LHPP: variants seen among roughly 807,000 people sequenced by gnomAD.
LHPP encodes phospholysine phosphohistidine inorganic pyrophosphate phosphatase, also known as hLHPP.
LHPP carries 24 observed loss-of-function variants against 30.3 expected under a neutral mutation model. The observed-to-expected ratio is 0.79, with a 90% CI of 0.57 to 1.11. The LOEUF (loss-of-function observed/expected upper bound fraction) is 1.11, where lower values mean the gene tolerates loss of function less well. LHPP is among the 50% of genes most tolerant of loss of function. The pLI, the probability that LHPP is intolerant of heterozygous loss-of-function variation, is 0.00. For synonymous variants in LHPP, 150 were observed against 157.1 expected (o/e 0.95, Z 0.34); for missense variants, 356 against 367.2 (o/e 0.97, Z 0.25).
At chr10:124,549,013 A>G (rs1955417693) in intron 6 of LHPP, among the ~76,000 whole-genome samples, 1 of 152,246 alleles carries the variant, frequency 6.6e-6, no homozygotes, top group African/African-American at 2.4e-5. Context: ...CTTGACATCT[A>G]TTAACTTCTA....
At chr10:124,595,913 G>A (rs1330401982) in intron 6 of LHPP, among the ~76,000 whole-genome samples, 2 of 152,164 alleles carry the variant, frequency 1.3e-5, no homozygotes, top group Non-Finnish European at 2.9e-5. Flanking sequence ...AGATGAAGAC[G>A]AGGAGCACCT....
intron 1 of LHPP, among the ~76,000 whole-genome samples, chr10:124,483,824 T>C (rs1209626021): frequency 7.2e-6 from 1 of 138,506 alleles, no homozygotes; most frequent in Admixed American, 7.6e-5. Context: ...AGAGTTGCAT[T>C]CCAGGCAAGG....
intron 6 of LHPP, among the ~76,000 whole-genome samples, chr10:124,543,708 G>A (rs890019800): frequency 6.6e-6 from 1 of 152,160 alleles, no homozygotes; most frequent in Admixed American, 6.5e-5. Context: ...ATATATTTGG[G>A]ATTCTATTAA....
rs1250211486 is a variant in LHPP at position 124,517,066 on chromosome 10, G to T, written c.625-114G>T. The T allele has an allele frequency of 3.1e-6, 2 of 641,570 alleles. No individual in the cohort carries two copies. Among genetic ancestry groups the T allele is most frequent in the Non-Finnish European group, 5.3e-6 (2 of 377,350 alleles). 39.7% of individuals were successfully genotyped at this position (641,570 alleles called of 1,614,324 possible). A position where few individuals can be genotyped will look rare whatever the true frequency, so the allele number is the denominator to read the frequency against. On this transcript the variant is annotated intron_variant, in intron 5 of 6. Coordinates refer to ENST00000368842, the MANE Select transcript of LHPP (RefSeq NM_022126.4). The surrounding 1 kb of genome is among the most constrained non-coding windows in gnomAD (Gnocchi z 4.1). ...CAATATTATCTTGTTTAATTTGTAT[G>T]ATGGTGGTTGTAAACATCAAATCAA... is the stretch of plus-strand genomic sequence containing the variant.
chr10:124,585,550 G>T (rs1235936499), intron 6 of LHPP, among the ~76,000 whole-genome samples: 2 of 151,766 alleles, frequency 1.3e-5, no homozygotes, highest in Non-Finnish European at 2.9e-5. Context: ...AGGAGATGGA[G>T]GTTGCAGTGA....
rs1363882312 is a variant in LHPP, at chr10:124,510,792, G to C, written c.625-6388G>C. Reference sequence around the variant, plus strand: ...GCAGTGGACATGGTCCTGAATTGGAGTGCTGTGAATGTTCACTGCTGACCT... The same window carrying C: ...GCAGTGGACATGGTCCTGAATTGGACTGCTGTGAATGTTCACTGCTGACCT... On this transcript the variant is annotated intron_variant, in intron 5 of 6. Transcript: ENST00000368842. This position sits in a 1 kb window ranked among gnomAD's most constrained non-coding sequence, Gnocchi z 4.0. 6.6e-6 allele frequency among the ~76,000 whole-genome samples: 1 copy of C among 152,252 alleles called. No homozygotes were observed. Among genetic ancestry groups the C allele is most frequent in the Non-Finnish European group, 1.5e-5 (1 of 68,054 alleles).
At position 124,596,148 on chromosome 10, in the gene LHPP, A is replaced by C. The variant is rs1948939295; in HGVS notation, c.717-17116A>C. ...GAGGCTGGACCACGATGTGTTTATC[A>C]TGTCACTGTTGCTGTCACATGGGCT... is the stretch of plus-strand genomic sequence containing the variant. On this transcript the variant is annotated intron_variant, in intron 6 of 6. Coordinates refer to ENST00000368842, the MANE Select transcript of LHPP (RefSeq NM_022126.4). The surrounding 1 kb of genome is among the most constrained non-coding windows in gnomAD (Gnocchi z 4.6). Among the ~76,000 whole-genome samples, 1 of 151,996 alleles carries C rather than the reference A, an allele frequency of 6.6e-6. No individual in the cohort carries two copies. The highest frequency in any genetic ancestry group is 1.5e-5 in the Non-Finnish European group (1 of 68,014).
At position 124,541,612 on chromosome 10, in the gene LHPP, G is replaced by A. The variant is rs1437495847; in HGVS notation, c.716+24341G>A. ...CCCCCGCGTGAGCCTGGGACCACCC[G>A]TGGGGACAGTGTGTGTCTAGGCAAA... On this transcript the variant is annotated intron_variant, in intron 6 of 6. Transcript: ENST00000368842. The surrounding 1 kb of genome is among the most constrained non-coding windows in gnomAD (Gnocchi z 4.2). Among the ~76,000 whole-genome samples the A allele has an allele frequency of 6.6e-6, 1 of 152,128 alleles. No individual in the cohort carries two copies. Among genetic ancestry groups the A allele is most frequent in the South Asian group, 2.1e-4 (1 of 4,830 alleles).
At chr10:124,598,726 C>G (rs995797177) in intron 6 of LHPP, among the ~76,000 whole-genome samples, 47 of 151,714 alleles carry the variant, frequency 3.1e-4, no homozygotes, top group African/African-American at 9.2e-4. Context: ...TACCCGTACA[C>G]CTGTTCATCC....
rs554969827 is a variant in LHPP at position 124,521,114 on chromosome 10, G to T, written c.716+3843G>T. Among the ~76,000 whole-genome samples the T allele has an allele frequency of 1.1e-3, 172 of 152,296 alleles. 2 individuals are homozygous for T. Among genetic ancestry groups the T allele is most frequent in the African/African-American group, 4.0e-3 (168 of 41,546 alleles). On this transcript the variant is annotated intron_variant, in intron 6 of 6. Coordinates refer to ENST00000368842, the MANE Select transcript of LHPP (RefSeq NM_022126.4). ...GGTACACAGATACACTGAAATGCTGGAGGGGCGTGGGGTCCTGGATGAGTG... is the reference window on the plus strand; with the variant it reads ...GGTACACAGATACACTGAAATGCTGTAGGGGCGTGGGGTCCTGGATGAGTG...
At chr10:124,477,694 G>A (rs1952994405) in intron 1 of LHPP, among the ~76,000 whole-genome samples, 1 of 152,198 alleles carries the variant, frequency 6.6e-6, no homozygotes, top group Non-Finnish European at 1.5e-5. Context: ...AGAGCATCTG[G>A]CAAAGTTGCT....
Position 124,517,214 on chromosome 10 carries a change from T to C in LHPP, c.659T>C (p.Val220Ala). 6.2e-7 allele frequency: 1 copy of C among 1,607,286 alleles called. No homozygotes were observed. Among genetic ancestry groups the C allele is most frequent in the Non-Finnish European group, 8.5e-7 (1 of 1,177,114 alleles). ...VMIGDDIVGD[V>A]GGAQRCGMRA... Reference sequence around the variant, plus strand: ...ATTGGGGACGATATCGTGGGCGACGTCGGCGGTGCCCAGCGGTGTGGAATG... The same window carrying C: ...ATTGGGGACGATATCGTGGGCGACGCCGGCGGTGCCCAGCGGTGTGGAATG... The change falls in exon 6 of 7, where the codon GTC becomes GCC. Residue 220 changes from valine to alanine, a missense_variant. By Grantham distance (64) the Val-to-Ala change is moderately conservative (BLOSUM62 0). Transcript: ENST00000368842. The surrounding 1 kb of genome is among the most constrained non-coding windows in gnomAD (Gnocchi z 4.1).
Position 124,613,256 on chromosome 10 carries a change from C to A in LHPP, c.717-8C>A. ...GGGCACTGACTAACCTCCGGCCATC[C>A]TCTCCAGGCCCAGTGACGAGCACCA... On this transcript the variant is annotated splice_polypyrimidine_tract_variant and splice_region_variant and intron_variant, in intron 6 of 6. Transcript: ENST00000368842. 1 of 1,610,628 alleles carries A rather than the reference C, an allele frequency of 6.2e-7. No individual in the cohort carries two copies. The highest frequency in any genetic ancestry group is 8.5e-7 in the Non-Finnish European group (1 of 1,177,500).
At chr10:124,537,840 C>T (rs550878093) in intron 6 of LHPP, among the ~76,000 whole-genome samples, 26 of 152,310 alleles carry the variant, frequency 1.7e-4, no homozygotes, top group Admixed American at 5.2e-4. Context: ...TGGCTTGAGT[C>T]GCCCCGTTAT....
intron 3 of LHPP, among the ~76,000 whole-genome samples, chr10:124,493,231 G>C (rs982052108): frequency 6.6e-6 from 1 of 152,176 alleles, no homozygotes; most frequent in African/African-American, 2.4e-5. Context: ...TGCTGATGGG[G>C]GTTCTGGGTG....
chr10:124,472,472 C>T (rs561085340), intron 1 of LHPP, among the ~76,000 whole-genome samples: 27 of 152,222 alleles, frequency 1.8e-4, no homozygotes, highest in Admixed American at 8.5e-4. Flanking sequence ...AGAATGACTT[C>T]GCTCTGTTTG....
intron 1 of LHPP, among the ~76,000 whole-genome samples, chr10:124,476,982 C>T (rs1033882052): frequency 2.0e-5 from 3 of 152,146 alleles, no homozygotes; most frequent in East Asian, 1.9e-4. Context: ...CTGAGACTGG[C>T]GGATCACGAG....
intron 6 of LHPP, among the ~76,000 whole-genome samples, chr10:124,551,601 C>T (rs1376950896): frequency 1.3e-5 from 2 of 152,162 alleles, no homozygotes; most frequent in Non-Finnish European, 2.9e-5. Context: ...GAGTGGGAGA[C>T]CCAGAGCTTT....
chr10:124,536,240 T>A (rs1955024051), intron 6 of LHPP, among the ~76,000 whole-genome samples: 1 of 152,278 alleles, frequency 6.6e-6, no homozygotes, highest in Non-Finnish European at 1.5e-5. Flanking sequence ...AGAGGCCTTG[T>A]GGCTTTCAGG....
Sources: gnomAD v4.1 joint callset for allele counts (sites outside exome capture counted in the v4.1 genomes callset) on GRCh38, gnomAD v4.1.1 for gene constraint, Gnocchi (gnomAD v3.1) non-coding constraint, MANE v1.5 for transcripts, NCBI Gene and HGNC (gene_info 2026-07-23, HGNC 2026-07-21) for gene names.